FGD6: variants seen among roughly 807,000 people sequenced by gnomAD.
FGD6 encodes FYVE, RhoGEF and PH domain containing 6.
In FGD6, 90 loss-of-function variants were observed where a neutral mutation model predicts 149.4. The ratio of observed to expected loss-of-function variants is 0.60; its 90% CI spans 0.51 to 0.72. FGD6 has a LOEUF of 0.72. FGD6 is among the 30% of genes least tolerant of loss of function. The pLI, the probability that FGD6 is intolerant of heterozygous loss-of-function variation, is 0.00. For missense variants in FGD6, 1,437 were observed against 1,684.8 expected (o/e 0.85, Z 2.57); for synonymous variants, 527 against 584.0 (o/e 0.90, Z 1.41).
At position 95,094,690 on chromosome 12, in the gene FGD6, C is replaced by G; in HGVS notation, c.3502G>C (p.Ala1168Pro). ...TCTAGCCATTCATCCCTTTCTGTGGCAGAACTGTTGGGGGCAAAAGGTTTC... is the reference window on the plus strand; with the variant it reads ...TCTAGCCATTCATCCCTTTCTGTGGGAGAACTGTTGGGGGCAAAAGGTTTC... ...ERSFILSASS[A>P]TERDEWLEAI... is the part of the protein sequence containing the mutation. Residue 1168 changes from alanine to proline, a missense_variant, in exon 15 of 21, where the codon GCC becomes CCC. Coordinates refer to ENST00000343958, the MANE Select transcript of FGD6 (RefSeq NM_018351.4). 1 of 1,612,100 alleles carries G rather than the reference C, an allele frequency of 6.2e-7. No homozygotes were observed. Among genetic ancestry groups the G allele is most frequent in the Non-Finnish European group, 8.5e-7 (1 of 1,178,960 alleles).
At chr12:95,102,457 A>AAAC (rs1555216921) in intron 14 of FGD6, among the ~76,000 whole-genome samples, 18 of 151,368 alleles carry the variant, frequency 1.2e-4, no homozygotes, top group East Asian at 1.2e-3. Flanking sequence ...AAAAAAAAAA[A>AAAC]AAAAAAAAAA....
Position 95,182,220 on chromosome 12 carries a change from C to CTTT in FGD6, c.2442-9479_2442-9477dup, listed in dbSNP as rs34662366. On this transcript the variant is annotated intron_variant, in intron 2 of 20. Coordinates refer to ENST00000343958, the MANE Select transcript of FGD6 (RefSeq NM_018351.4). Reference sequence around the variant, plus strand: ...ATTTACACATATATATGTATACATACTTTTTTTTTTTTTTTTTGGAGATGG... The same window carrying CTTT: ...ATTTACACATATATATGTATACATACTTTTTTTTTTTTTTTTTTTTGGAGATGG... Among the ~76,000 whole-genome samples the CTTT allele has an allele frequency of 1.1e-3, 145 of 135,260 alleles. 4 individuals are homozygous for CTTT. In the East Asian group the frequency reaches 0.013, roughly 12 times the overall value. 88.7% of individuals were successfully genotyped at this position (135,260 alleles called of 152,430 possible).
In FGD6 at chr12:95,141,544, T is replaced by C; in HGVS notation, c.2686-5A>G. 1 of 1,614,020 alleles carries C rather than the reference T, an allele frequency of 6.2e-7. No individual in the cohort carries two copies. The highest frequency in any genetic ancestry group is 8.5e-7 in the Non-Finnish European group (1 of 1,179,978). On this transcript the variant is annotated splice_region_variant and splice_polypyrimidine_tract_variant and intron_variant, in intron 5 of 20. Transcript: ENST00000343958. The stretch of plus-strand genomic sequence containing the variant: ...AGCTACTGCATCCCGGAAATCCTAT[T>C]ACAGTCCAGAGCAGGAAAAACAATA...
intron 8 of FGD6, among the ~76,000 whole-genome samples, chr12:95,121,920 A>G (rs553320155): frequency 3.3e-5 from 5 of 152,110 alleles, no homozygotes; most frequent in Admixed American, 1.3e-4. Context: ...TCTTTTTTCT[A>G]TTGTCTTGGG....
chr12:95,209,841 T>C lies in FGD6; in HGVS notation c.1443A>G (p.Gln481=). Residue 481 remains glutamine (Q), a synonymous_variant, in exon 2 of 21, where the codon CAA becomes CAG. Coordinates refer to ENST00000343958, the MANE Select transcript of FGD6 (RefSeq NM_018351.4). ...TTTCCTCTTTTATAACAGATTCCTT[T>C]TGCATTTGAGGGGCAGAAACTCCCA... ...RNLGVSAPQM[Q]KESVIKEENS... 6.2e-7 allele frequency: 1 copy of C among 1,607,246 alleles called. No individual in the cohort carries two copies. Among genetic ancestry groups the C allele is most frequent in the African/African-American group, 1.3e-5 (1 of 74,474 alleles).
chr12:95,100,520 C>G (rs944172519), intron 14 of FGD6: 1 of 357,300 alleles, frequency 2.8e-6, no homozygotes, highest in Non-Finnish European at 5.4e-6. Flanking sequence ...ACTACTGCTG[C>G]CATCCACAAG....
intron 5 of FGD6, among the ~76,000 whole-genome samples, chr12:95,148,560 T>TATATAATATATAGC (rs1227349461): frequency 4.6e-5 from 4 of 87,744 alleles, no homozygotes; most frequent in Admixed American, 3.6e-4. Flanking sequence ...TATTATATAT[T>TATATAATATATAGC]ATATATTATA....
At position 95,085,867 on chromosome 12, in the gene FGD6, C is replaced by G; in HGVS notation, c.4020G>C (p.Leu1340Phe). The change falls in exon 19 of 21, where the codon TTG becomes TTC. Residue 1340 changes from leucine (L) to phenylalanine (F), a missense_variant. By Grantham distance (22) the Leu-to-Phe change is conservative. Coordinates refer to ENST00000343958, the MANE Select transcript of FGD6 (RefSeq NM_018351.4). Reference protein sequence around the residue: ...NTEDSSMSGYLYRSKGNKKPW... With the variant: ...NTEDSSMSGYFYRSKGNKKPW... Reference sequence around the variant, plus strand: ...GTTTTTTATTGCCCTTTGATCTGTACAAGTAGCCACTCATAGAAGAATCCT... The same window carrying G: ...GTTTTTTATTGCCCTTTGATCTGTAGAAGTAGCCACTCATAGAAGAATCCT... The G allele has an allele frequency of 6.2e-7, 1 of 1,612,460 alleles. No individual in the cohort carries two copies. The highest frequency in any genetic ancestry group is 8.5e-7 in the Non-Finnish European group (1 of 1,179,678).
chr12:95,141,812 T>C (rs1180141419), intron 5 of FGD6, among the ~76,000 whole-genome samples: 1 of 152,188 alleles, frequency 6.6e-6, no homozygotes, highest in Non-Finnish European at 1.5e-5. Flanking sequence ...TTAGCAATTA[T>C]ACTAAGCGAG....
Position 95,111,746 on chromosome 12 carries a change from T to C in FGD6, c.3133+1905A>G, listed in dbSNP as rs80084333. ...TATAAACTTCTTCATCAACTAGATA[T>C]GATCACTGAAGACAGGAAACTTGTC... On this transcript the variant is annotated intron_variant, in intron 9 of 20. Transcript: ENST00000343958. 9.4e-3 allele frequency among the ~76,000 whole-genome samples: 1,426 copies of C among 152,216 alleles called. 23 individuals are homozygous for C. Among genetic ancestry groups the C allele is most frequent in the African/African-American group, 0.032 (1,349 of 41,514 alleles).
At chr12:95,193,761 C>A (rs1293446250) in intron 2 of FGD6, among the ~76,000 whole-genome samples, 2 of 151,788 alleles carry the variant, frequency 1.3e-5, no homozygotes, top group Admixed American at 6.6e-5. Context: ...ACTCCTGACC[C>A]CAGGTGATCC....
In FGD6 at chr12:95,081,464, C is replaced by T. The variant is rs557408624; in HGVS notation, c.*56G>A. On this transcript the variant is annotated 3_prime_UTR_variant, in exon 21 of 21. Transcript: ENST00000343958. ...ATACAATTTTTGAATTGCATTTACT[C>T]CATTCTGATGAAATTCCACCTCTTT... 3 of 1,476,256 alleles carry T rather than the reference C, an allele frequency of 2.0e-6. No individual in the cohort carries two copies. Among genetic ancestry groups the T allele is most frequent in the Non-Finnish European group, 2.8e-6 (3 of 1,089,226 alleles). 91.4% of individuals were successfully genotyped at this position (1,476,256 alleles called of 1,614,324 possible). A position where few individuals can be genotyped will look rare whatever the true frequency, so the allele number is the denominator to read the frequency against.
At chr12:95,180,990 G>A (rs1021842299) in intron 2 of FGD6, among the ~76,000 whole-genome samples, 9 of 39,698 alleles carry the variant, frequency 2.3e-4, no homozygotes, top group South Asian at 2.3e-3. Context: ...CAGGATTGCC[G>A]TTTCAAAAAA....
chr12:95,168,775 AAAGTC>A (rs1190655115), intron 3 of FGD6, among the ~76,000 whole-genome samples: 1 of 152,236 alleles, frequency 6.6e-6, no homozygotes, highest in African/African-American at 2.4e-5. Context: ...CTTAGAAAAT[AAAGTC>A]AAGTGTCCAC....
intron 8 of FGD6, among the ~76,000 whole-genome samples, chr12:95,116,210 G>A (rs1879007999): frequency 6.6e-6 from 1 of 152,154 alleles, no homozygotes; most frequent in African/African-American, 2.4e-5. Flanking sequence ...TCTGGTGAGT[G>A]CAAACATTTA....
At chr12:95,084,444 C>A (rs1431136458) in intron 20 of FGD6, 54 bp downstream of exon 20, 2 of 1,424,098 alleles carry the variant, frequency 1.4e-6, no homozygotes, top group African/African-American at 2.9e-5. Context: ...TACAAGCAAC[C>A]ATTAAAAAAC....
chr12:95,122,079 T>C (rs1361572507), intron 8 of FGD6, among the ~76,000 whole-genome samples: 1 of 152,208 alleles, frequency 6.6e-6, no homozygotes, highest in Non-Finnish European at 1.5e-5. Context: ...TGCCTTAGAA[T>C]ATGTATGCAC....
At chr12:95,177,288 G>A (rs1881160604) in intron 2 of FGD6, among the ~76,000 whole-genome samples, 1 of 152,176 alleles carries the variant, frequency 6.6e-6, no homozygotes, top group African/African-American at 2.4e-5. Flanking sequence ...GAAGGGATAA[G>A]GGATCGGATG....
chr12:95,126,178 T>C (rs2136251509), intron 8 of FGD6: 1 of 1,102,196 alleles, frequency 9.1e-7, no homozygotes, highest in Non-Finnish European at 1.4e-6. Context: ...AAAGCTTCTC[T>C]CAAAAAAGCA....
Sources: allele counts gnomAD v4.1 joint callset (sites outside exome capture counted in the v4.1 genomes callset), GRCh38; gene constraint gnomAD v4.1.1; transcripts MANE v1.5; gene names NCBI Gene and HGNC (gene_info 2026-07-23, HGNC 2026-07-21).